The following MSRA variants were observed in gnomAD, a reference collection of about 807,000 sequenced individuals.
MSRA encodes the protein mitochondrial peptide methionine sulfoxide reductase.
Under a neutral mutation model 31.3 loss-of-function variants are expected in MSRA, and 54 were observed. The observed-to-expected ratio is 1.73, with a 90% CI of 1.39 to 2.17. The LOEUF (loss-of-function observed/expected upper bound fraction) is 2.17, where lower values mean the gene tolerates loss of function less well. MSRA is among the 30% of genes most tolerant of loss of function. The pLI, the probability that MSRA is intolerant of heterozygous loss-of-function variation, is 0.00. For missense variants in MSRA, 507 were observed against 300.9 expected (o/e 1.69, Z -5.07); for synonymous variants, 169 against 116.5 (o/e 1.45, Z -2.90).
chr8:10,264,741 G>C lies in MSRA; in HGVS notation c.331+19518G>C, dbSNP rs573687134. Among the ~76,000 whole-genome samples, 9 of 152,334 alleles carry C rather than the reference G, an allele frequency of 5.9e-5. No individual in the cohort carries two copies. In the South Asian group the frequency reaches 1.9e-3, roughly 32 times the overall value. ...TGACTAGTGAGAAGCCTTGAGTCTT[G>C]ATGAATGGGCGAGGGAGACAATCCT... On this transcript the variant is annotated intron_variant, in intron 3 of 5. Transcript: ENST00000317173.
chr8:10,357,506 T>C (rs1377727471), intron 5 of MSRA, among the ~76,000 whole-genome samples: 1 of 152,208 alleles, frequency 6.6e-6, no homozygotes, highest in Non-Finnish European at 1.5e-5. Context: ...ATTGAAACTC[T>C]TATTTTCCTA....
intron 1 of MSRA, among the ~76,000 whole-genome samples, chr8:10,126,477 C>T (rs376700455): frequency 6.6e-5 from 10 of 152,086 alleles, no homozygotes; most frequent in African/African-American, 2.4e-4. Flanking sequence ...TGCGGCTGTT[C>T]CACTTAACAT....
chr8:10,262,521 C>T (rs946802347), intron 3 of MSRA, among the ~76,000 whole-genome samples: 5 of 152,018 alleles, frequency 3.3e-5, no homozygotes, highest in African/African-American at 1.2e-4. Flanking sequence ...TTTATATCTT[C>T]TTGGTGAGGT....
intron 5 of MSRA, among the ~76,000 whole-genome samples, chr8:10,415,085 G>A (rs1205240645): frequency 6.6e-6 from 1 of 152,234 alleles, no homozygotes; most frequent in Non-Finnish European, 1.5e-5. Context: ...TGCGGGTGGA[G>A]GGTGCACTGT....
intron 1 of MSRA, among the ~76,000 whole-genome samples, chr8:10,194,620 GGAAAT>G (rs1245564814): frequency 6.6e-6 from 1 of 152,210 alleles, no homozygotes; most frequent in African/African-American, 2.4e-5. Flanking sequence ...ATTTTGTAGA[GGAAAT>G]GAAGTGATAG....
chr8:10,342,987 G>T (rs1406951057), intron 5 of MSRA, among the ~76,000 whole-genome samples: 3 of 150,982 alleles, frequency 2.0e-5, no homozygotes, highest in East Asian at 1.9e-4. Flanking sequence ...ATGAGATAAC[G>T]TGTGGAAAGG....
At chr8:10,059,120 G>A (rs1802558736) in intron 1 of MSRA, 2 of 152,146 alleles carry the variant, frequency 1.3e-5, no homozygotes, top group South Asian at 4.1e-4. Context: ...AAGTCAGTGG[G>A]GAAAAGGTGA....
chr8:10,054,599 C>G lies in MSRA; in HGVS notation c.83C>G (p.Ser28Trp), dbSNP rs748972988. The change falls in exon 1 of 6, where the codon TCG becomes TGG. Residue 28 changes from serine to tryptophan, a missense_variant. Transcript: ENST00000317173. Reference sequence around the variant, plus strand: ...GTCCCGAGGATGGGCAACTCGGCCTCGAACATCGTCAGCCCCCAGGAGGCC... The same window carrying G: ...GTCCCGAGGATGGGCAACTCGGCCTGGAACATCGTCAGCCCCCAGGAGGCC... ...FPVPRMGNSASNIVSPQEALP... is the reference protein window; with the variant it reads ...FPVPRMGNSAWNIVSPQEALP... 9.5e-6 allele frequency: 15 copies of G among 1,580,694 alleles called. No homozygotes were observed. Among genetic ancestry groups the G allele is most frequent in the East Asian group, 2.5e-5 (1 of 40,282 alleles).
intron 1 of MSRA, among the ~76,000 whole-genome samples, chr8:10,142,333 C>T (rs1329240642): frequency 5.5e-4 from 83 of 152,236 alleles, no homozygotes; most frequent in African/African-American, 1.9e-3. Flanking sequence ...TTCCCATTTT[C>T]CAGGAGAGGA....
chr8:10,394,758 G>C (rs1806988974), intron 5 of MSRA, among the ~76,000 whole-genome samples: 1 of 152,214 alleles, frequency 6.6e-6, no homozygotes, highest in Non-Finnish European at 1.5e-5. Context: ...GAACACTTTG[G>C]TTAGCAAGAC....
At chr8:10,277,271 T>A (rs1799369246) in intron 3 of MSRA, among the ~76,000 whole-genome samples, 1 of 152,054 alleles carries the variant, frequency 6.6e-6, no homozygotes, top group South Asian at 2.1e-4. Flanking sequence ...TGTCCAGGTA[T>A]TTTTCTGAGG....
At chr8:10,087,211 A>G (rs990168740) in intron 1 of MSRA, among the ~76,000 whole-genome samples, 1 of 152,200 alleles carries the variant, frequency 6.6e-6, no homozygotes, top group Non-Finnish European at 1.5e-5. Flanking sequence ...TCAGCATACT[A>G]TAAATACAAC....
At chr8:10,126,877 C>T (rs541387466) in intron 1 of MSRA, among the ~76,000 whole-genome samples, 10 of 152,326 alleles carry the variant, frequency 6.6e-5, no homozygotes, top group East Asian at 5.8e-4. Flanking sequence ...CAATAGGGTT[C>T]GCACTCCTAT....
intron 5 of MSRA, among the ~76,000 whole-genome samples, chr8:10,378,153 C>G (rs1805858568): frequency 6.6e-6 from 1 of 152,186 alleles, no homozygotes; most frequent in African/African-American, 2.4e-5. Context: ...ATCAGGGACC[C>G]TGGATTCTAG....
At chr8:10,149,274 A>G (rs528211025) in intron 1 of MSRA, among the ~76,000 whole-genome samples, 1 of 152,178 alleles carries the variant, frequency 6.6e-6, no homozygotes, top group African/African-American at 2.4e-5. Context: ...GGTGCCCACC[A>G]CCATGCCCAG....
intron 2 of MSRA, among the ~76,000 whole-genome samples, chr8:10,217,060 C>T (rs28421951): frequency 0.031 from 4,715 of 152,296 alleles, 112 homozygotes; most frequent in African/African-American, 0.064. Flanking sequence ...TCCTTGCCAA[C>T]CCTTGTTATT....
At chr8:10,362,276 C>G (rs1418434223) in intron 5 of MSRA, among the ~76,000 whole-genome samples, 1 of 152,058 alleles carries the variant, frequency 6.6e-6, no homozygotes, top group African/African-American at 2.4e-5. Context: ...TAGGAGCACT[C>G]CTGTCAATGA....
chr8:10,409,410 G>A (rs369058059), intron 5 of MSRA, among the ~76,000 whole-genome samples: 31 of 152,318 alleles, frequency 2.0e-4, no homozygotes, highest in African/African-American at 7.2e-4. Flanking sequence ...ATCATGTAAG[G>A]TCTCTTGTCA....
At chr8:10,363,196 C>A (rs940077727) in intron 5 of MSRA, among the ~76,000 whole-genome samples, 5 of 152,204 alleles carry the variant, frequency 3.3e-5, no homozygotes, top group African/African-American at 9.6e-5. Context: ...GTTGCTAGTT[C>A]ATTTTCCAGC....
Sources: allele counts gnomAD v4.1 joint callset (sites outside exome capture counted in the v4.1 genomes callset), GRCh38; gene constraint gnomAD v4.1.1; transcripts MANE v1.5; gene names NCBI Gene and HGNC (gene_info 2026-07-23, HGNC 2026-07-21).